The following PRKN variants were observed in gnomAD, a reference collection of about 807,000 sequenced individuals.
PRKN encodes E3 ubiquitin-protein ligase parkin.
A neutral mutation model predicts 59.5 loss-of-function variants in PRKN; 56 were observed. The observed-to-expected ratio is 0.94, with a 90% CI of 0.76 to 1.18. PRKN has a LOEUF of 1.18. Among genes scored for constraint, PRKN ranks in the 50% most tolerant of loss-of-function variants. The pLI is 0.00. For missense variants in PRKN, 657 were observed against 596.4 expected (o/e 1.10, Z -1.06); for synonymous variants, 250 against 222.1 (o/e 1.13, Z -1.12).
intron 5 of PRKN, among the ~76,000 whole-genome samples, chr6:162,039,940 T>G (rs983472533): frequency 1.3e-5 from 2 of 152,228 alleles, no homozygotes; most frequent in Non-Finnish European, 2.9e-5. Context: ...GGATTAAATA[T>G]TTTTTAGTTC....
At chr6:162,208,581 C>A (rs116755856) in intron 3 of PRKN, among the ~76,000 whole-genome samples, 5 of 152,058 alleles carry the variant, frequency 3.3e-5, no homozygotes, top group Admixed American at 1.3e-4. Context: ...CATACCAAGA[C>A]AAAACTGTAG....
At chr6:162,121,190 C>G (rs9365374) in intron 4 of PRKN, among the ~76,000 whole-genome samples, 32,516 of 152,096 alleles carry the variant, frequency 0.21, 3,830 homozygotes, top group Non-Finnish European at 0.26. Flanking sequence ...ATCATGCTTA[C>G]CTCAAACTAA....
chr6:161,868,674 G>T (rs1322035012), intron 6 of PRKN, among the ~76,000 whole-genome samples: 1 of 152,118 alleles, frequency 6.6e-6, no homozygotes, highest in Non-Finnish European at 1.5e-5. Context: ...CAATCTTTAG[G>T]CCTCTTAATG....
chr6:162,152,211 T>C (rs544303544), intron 4 of PRKN, among the ~76,000 whole-genome samples: 9 of 152,296 alleles, frequency 5.9e-5, no homozygotes, highest in African/African-American at 1.9e-4. Context: ...GGGGGAGCTT[T>C]TCATTGATTA....
chr6:162,073,437 T>A (rs1025503333), intron 4 of PRKN, among the ~76,000 whole-genome samples: 34 of 152,242 alleles, frequency 2.2e-4, no homozygotes, highest in African/African-American at 8.2e-4. Context: ...AGCTTTGGGT[T>A]TTTTTGTTGT....
chr6:162,620,462 C>T (rs553602747), intron 1 of PRKN, among the ~76,000 whole-genome samples: 159 of 152,292 alleles, frequency 1.0e-3, no homozygotes, highest in African/African-American at 3.7e-3. Context: ...ATTATGACTA[C>T]TGAATACTAT....
chr6:162,657,801 T>G (rs1778703784), intron 1 of PRKN, among the ~76,000 whole-genome samples: 2 of 152,072 alleles, frequency 1.3e-5, no homozygotes, highest in Admixed American at 1.3e-4. Flanking sequence ...GGTGTCAGAA[T>G]ATAGTAGGGA....
At chr6:162,610,567 C>A (rs542261488) in intron 1 of PRKN, among the ~76,000 whole-genome samples, 1 of 152,036 alleles carries the variant, frequency 6.6e-6, no homozygotes, top group African/African-American at 2.4e-5. Context: ...ATAATAGTAA[C>A]CATAGCAACA....
At chr6:162,508,173 G>A (rs1439487409) in intron 1 of PRKN, among the ~76,000 whole-genome samples, 6 of 152,136 alleles carry the variant, frequency 3.9e-5, no homozygotes, top group African/African-American at 1.2e-4. Flanking sequence ...TGCAAAAGCG[G>A]AAATCCCTGA....
intron 1 of PRKN, among the ~76,000 whole-genome samples, chr6:162,609,281 T>A (rs1782042812): frequency 6.6e-6 from 1 of 152,198 alleles, no homozygotes; most frequent in South Asian, 2.1e-4. Context: ...TTCCATCTCT[T>A]CCTGACCTCG....
At chr6:162,192,929 A>G (rs1784345064) in intron 4 of PRKN, among the ~76,000 whole-genome samples, 1 of 152,116 alleles carries the variant, frequency 6.6e-6, no homozygotes, top group Non-Finnish European at 1.5e-5. Flanking sequence ...CATGATGCTG[A>G]GCTTTTGAGC....
At chr6:162,558,389 G>A (rs1242627658) in intron 1 of PRKN, among the ~76,000 whole-genome samples, 2 of 146,158 alleles carry the variant, frequency 1.4e-5, no homozygotes, top group Admixed American at 1.4e-4. Context: ...GAGTGCAATG[G>A]CGCCATCTCG....
At chr6:161,900,833 G>T (rs1392535021) in intron 6 of PRKN, among the ~76,000 whole-genome samples, 2 of 131,790 alleles carry the variant, frequency 1.5e-5, no homozygotes. Context: ...ATTATGTATT[G>T]TATATTATAT....
intron 1 of PRKN, among the ~76,000 whole-genome samples, chr6:162,702,894 T>C (rs1017422894): frequency 6.6e-6 from 1 of 152,162 alleles, no homozygotes; most frequent in Non-Finnish European, 1.5e-5. Context: ...TGCATGTACA[T>C]GGTTGATTGA....
intron 1 of PRKN, among the ~76,000 whole-genome samples, chr6:162,589,619 T>A (rs756270922): frequency 2.0e-5 from 3 of 152,206 alleles, no homozygotes; most frequent in Non-Finnish European, 2.9e-5. Flanking sequence ...CATCTTTTCA[T>A]GGTGTAACCG....
intron 7 of PRKN, among the ~76,000 whole-genome samples, chr6:161,638,360 C>T (rs928085438): frequency 6.6e-6 from 1 of 152,164 alleles, no homozygotes; most frequent in African/African-American, 2.4e-5. Context: ...GTCTCGAACT[C>T]CTCAGCTCAG....
intron 1 of PRKN, among the ~76,000 whole-genome samples, chr6:162,703,139 C>T (rs1185415800): frequency 6.6e-6 from 1 of 152,070 alleles, no homozygotes; most frequent in African/African-American, 2.4e-5. Flanking sequence ...ACAAAAAAAA[C>T]TTACTTTAGT....
rs554376117 is a variant in PRKN, at chr6:161,483,458, G to A, written c.1083+65396C>T. 8.5e-5 allele frequency among the ~76,000 whole-genome samples: 13 copies of A among 152,260 alleles called. No homozygotes were observed. Among genetic ancestry groups the A allele is most frequent in the Admixed American group, 5.9e-4 (9 of 15,292 alleles). On this transcript the variant is annotated intron_variant, in intron 9 of 11. Coordinates refer to ENST00000366898, the MANE Select transcript of PRKN (RefSeq NM_004562.3). The surrounding 1 kb of genome is among the most constrained non-coding windows in gnomAD (Gnocchi z 5.0). ...GATGCTTGCCTTCATGAACTTTCAGGCCTCATCTATAAGGTCAGGAAAGGG... is the reference window on the plus strand; with the variant it reads ...GATGCTTGCCTTCATGAACTTTCAGACCTCATCTATAAGGTCAGGAAAGGG...
At chr6:162,660,235 A>G (rs759938974) in intron 1 of PRKN, among the ~76,000 whole-genome samples, 4 of 152,196 alleles carry the variant, frequency 2.6e-5, no homozygotes, top group South Asian at 4.1e-4. Flanking sequence ...CCTCTACTTT[A>G]CTACTTTCTC....
Sources: gnomAD v4.1 joint callset for allele counts (sites outside exome capture counted in the v4.1 genomes callset) on GRCh38, gnomAD v4.1.1 for gene constraint, Gnocchi (gnomAD v3.1) non-coding constraint, MANE v1.5 for transcripts, NCBI Gene and HGNC (gene_info 2026-07-23, HGNC 2026-07-21) for gene names.